The following SPIRE1 variants were observed in gnomAD, a reference collection of about 807,000 sequenced individuals.
SPIRE1 encodes the protein spire type actin nucleation factor 1.
In SPIRE1, 40 loss-of-function variants were observed where a neutral mutation model predicts 94.1. That is an observed-to-expected ratio of 0.43 (90% CI 0.33 to 0.55). The LOEUF (loss-of-function observed/expected upper bound fraction) is 0.55, where lower values mean the gene tolerates loss of function less well. Ranked by LOEUF, SPIRE1 falls within the 20% of genes least tolerant of loss-of-function variation. The pLI, the probability that SPIRE1 is intolerant of heterozygous loss-of-function variation, is 0.06. For synonymous variants in SPIRE1, 376 were observed against 371.7 expected (o/e 1.01, Z -0.13); for missense variants, 838 against 975.2 (o/e 0.86, Z 1.87).
chr18:12,591,991 A>G (rs2036548842), intron 2 of SPIRE1, among the ~76,000 whole-genome samples: 1 of 151,320 alleles, frequency 6.6e-6, no homozygotes, highest in Non-Finnish European at 1.5e-5. Context: ...AAAAAAAAAA[A>G]AATCAAGAAT....
Position 12,535,492 on chromosome 18 carries a change from A to G in SPIRE1, c.713T>C (p.Ile238Thr), listed in dbSNP as rs374657090. ...AGTACTCACCTCTTTCGCACTCTTA[A>G]TTTTGGTCAGAAATGTATGGAGCTC... The part of the protein sequence containing the change: ...TMELHTFLTK[I>T]KSAKENLKKI... Residue 238 changes from isoleucine (I) to threonine (T), a missense_variant, in exon 4 of 17, where the codon ATT becomes ACT. Ile to Thr is a moderately conservative substitution (Grantham distance 89). Transcript: ENST00000409402. 6.2e-7 allele frequency: 1 copy of G among 1,613,034 alleles called. No individual in the cohort carries two copies. Among genetic ancestry groups the G allele is most frequent in the African/African-American group, 1.3e-5 (1 of 74,894 alleles).
intron 3 of SPIRE1, among the ~76,000 whole-genome samples, chr18:12,537,273 C>T (rs949999230): frequency 1.3e-5 from 2 of 152,188 alleles, no homozygotes; most frequent in Admixed American, 1.3e-4. Context: ...ACCGAATTGT[C>T]ATTCAAGGTA....
intron 3 of SPIRE1, among the ~76,000 whole-genome samples, chr18:12,538,926 T>A (rs1353518040): frequency 6.6e-6 from 1 of 152,168 alleles, no homozygotes. Context: ...CTTTTCTCCA[T>A]CTCCTCCACC....
rs1323128678 is a variant in SPIRE1, at chr18:12,485,972, A to G, written c.1218T>C (p.Ser406=). 1 of 1,524,992 alleles carries G rather than the reference A, an allele frequency of 6.6e-7. No homozygotes were observed. Among genetic ancestry groups the G allele is most frequent in the Non-Finnish European group, 8.8e-7 (1 of 1,140,348 alleles). 94.5% of individuals were successfully genotyped at this position (1,524,992 alleles called of 1,614,324 possible). ...LAMRPLSMSY[S]FDLSDVTTPE... ...TGTTTTTTTTACCTGACAAGTCAAAACTGTAAGACATGCTAAGTGGCCGCA... is the reference window on the plus strand; with the variant it reads ...TGTTTTTTTTACCTGACAAGTCAAAGCTGTAAGACATGCTAAGTGGCCGCA... Residue 406 remains serine, a synonymous_variant, in exon 9 of 17, where the codon AGT becomes AGC. Transcript: ENST00000409402.
At chr18:12,552,005 T>C (rs2035364846) in intron 2 of SPIRE1, among the ~76,000 whole-genome samples, 1 of 152,210 alleles carries the variant, frequency 6.6e-6, no homozygotes. Context: ...TGTGAGACTT[T>C]GCACCGAATT....
Position 12,454,571 on chromosome 18 carries a change from G to C in SPIRE1, c.1639-88C>G. The C allele has an allele frequency of 8.0e-6, 10 of 1,248,880 alleles. No homozygotes were observed. The South Asian group carries it at 1.3e-4, about 16-fold the overall frequency. The allele number at this position is 1,248,880 out of a possible 1,614,324, so 77.4% of individuals were successfully genotyped here. On this transcript the variant is annotated intron_variant, in intron 12 of 16. Coordinates refer to ENST00000409402, the MANE Select transcript of SPIRE1 (RefSeq NM_001128626.2). ...TCCCTTCAGATCAGACCCCTGATTA[G>C]TAGCTTCAGAGAAGAGAACAGGTTT...
At chr18:12,518,453 C>G (rs951767602) in intron 4 of SPIRE1, among the ~76,000 whole-genome samples, 2 of 151,508 alleles carry the variant, frequency 1.3e-5, no homozygotes, top group Admixed American at 6.6e-5. Context: ...GATTGCATCA[C>G]TGCATTCCAG....
intron 2 of SPIRE1, among the ~76,000 whole-genome samples, chr18:12,607,596 TAC>T (rs34187168): frequency 0.29 from 41,671 of 145,984 alleles, 6,314 homozygotes; most frequent in Non-Finnish European, 0.36. Flanking sequence ...TCCACAGCAC[TAC>T]ACACACACAC....
intron 10 of SPIRE1, among the ~76,000 whole-genome samples, chr18:12,479,131 ATG>A (rs537928120): frequency 7.5e-5 from 11 of 146,022 alleles, no homozygotes; most frequent in East Asian, 4.0e-4. Flanking sequence ...GACTACATAT[ATG>A]TGTGTGTGTG....
intron 2 of SPIRE1, among the ~76,000 whole-genome samples, chr18:12,568,943 T>C (rs1219254265): frequency 2.6e-5 from 4 of 152,200 alleles, no homozygotes; most frequent in Non-Finnish European, 5.9e-5. Context: ...AGCCCAAGGA[T>C]AAACTACATC....
At chr18:12,461,764 A>T (rs2031874297) in intron 12 of SPIRE1, among the ~76,000 whole-genome samples, 1 of 152,084 alleles carries the variant, frequency 6.6e-6, no homozygotes, top group Non-Finnish European at 1.5e-5. Flanking sequence ...AGTAGCTGGG[A>T]TTACGGGCAT....
chr18:12,567,271 T>A (rs574524045), intron 2 of SPIRE1, among the ~76,000 whole-genome samples: 92 of 152,100 alleles, frequency 6.0e-4, no homozygotes, highest in African/African-American at 2.0e-3. Flanking sequence ...ACAAAATACA[T>A]ACAAGATCTG....
At chr18:12,587,619 A>G (rs1208234368) in intron 2 of SPIRE1, among the ~76,000 whole-genome samples, 3 of 152,150 alleles carry the variant, frequency 2.0e-5, no homozygotes, top group Non-Finnish European at 4.4e-5. Flanking sequence ...TAGAAACCAT[A>G]GAGGGAGGAT....
intron 1 of SPIRE1, among the ~76,000 whole-genome samples, chr18:12,654,564 A>G (rs1055504359): frequency 4.7e-5 from 7 of 149,328 alleles, no homozygotes; most frequent in African/African-American, 1.2e-4. Context: ...GGAGAATGGC[A>G]TGCACCTGGG....
At chr18:12,461,430 A>ATGTATATACATACATGTG (rs2031800005) in intron 12 of SPIRE1, among the ~76,000 whole-genome samples, 1 of 135,742 alleles carries the variant, frequency 7.4e-6, no homozygotes, top group Non-Finnish European at 1.6e-5. Context: ...GTGTGTGTGT[A>ATGTATATACATACATGTG]TGTATGTATA....
intron 1 of SPIRE1, 26 bp downstream of exon 1, chr18:12,657,504 G>C (rs2038583526): frequency 8.1e-7 from 1 of 1,228,556 alleles, no homozygotes; most frequent in Non-Finnish European, 1.0e-6. Flanking sequence ...CAAGAACTAC[G>C]AGGGAAAGGG....
chr18:12,467,576 T>A (rs1425547898), intron 10 of SPIRE1, among the ~76,000 whole-genome samples: 3 of 152,232 alleles, frequency 2.0e-5, no homozygotes, highest in Non-Finnish European at 4.4e-5. Context: ...ACTTCCCAAA[T>A]AATTATCTGC....
chr18:12,658,059 T>G lies in SPIRE1; in HGVS notation c.-193A>C. On this transcript the variant is annotated 5_prime_UTR_variant, in exon 1 of 17. Transcript: ENST00000409402. ...AAGAGGAGGGCGGCGAGGACACGGC[T>G]GCAGTCCCGGTCAGACAGCCGCCGG... The G allele has an allele frequency of 1.0e-6, 1 of 991,728 alleles. No homozygotes were observed. The highest frequency in any genetic ancestry group is 1.2e-6 in the Non-Finnish European group (1 of 835,354). 61.4% of individuals were successfully genotyped at this position (991,728 alleles called of 1,614,324 possible).
At chr18:12,515,600 G>A (rs1178564807) in intron 4 of SPIRE1, among the ~76,000 whole-genome samples, 3 of 152,178 alleles carry the variant, frequency 2.0e-5, no homozygotes, top group African/African-American at 7.2e-5. Context: ...GCTGTGGTAA[G>A]CTGCCCTCTG....
Sources: allele counts gnomAD v4.1 joint callset (sites outside exome capture counted in the v4.1 genomes callset), GRCh38; gene constraint gnomAD v4.1.1; transcripts MANE v1.5; gene names NCBI Gene and HGNC (gene_info 2026-07-23, HGNC 2026-07-21).